Variants in RRP1B observed in about 807,000 individuals in gnomAD.
RRP1B encodes ribosomal RNA processing protein 1 homolog B.
RRP1B carries 56 observed loss-of-function variants against 80.2 expected under a neutral mutation model. The ratio of observed to expected loss-of-function variants is 0.70; its 90% CI spans 0.56 to 0.87. The LOEUF (loss-of-function observed/expected upper bound fraction) is 0.87, where lower values mean the gene tolerates loss of function less well. Ranked by LOEUF, RRP1B falls within the 40% of genes least tolerant of loss-of-function variation. The probability of loss-of-function intolerance (pLI) is 0.00; values close to 1 mark genes in which losing one functional copy is unlikely to be tolerated. For missense variants in RRP1B, 807 were observed against 939.8 expected, an observed-to-expected ratio of 0.86 and a Z score of 1.85; for synonymous variants, 351 against 357.6, an observed-to-expected ratio of 0.98 and a Z score of 0.21.
intron 1 of RRP1B, among the ~76,000 whole-genome samples, chr21:43,665,596 G>T (rs919038746): frequency 1.3e-5 from 2 of 152,054 alleles, no homozygotes; most frequent in Admixed American, 1.3e-4. Context: ...GCTCAGGCTG[G>T]AGTGCAGTGG....
At chr21:43,664,236 T>A (rs939878375) in intron 1 of RRP1B, among the ~76,000 whole-genome samples, 2 of 148,508 alleles carry the variant, frequency 1.3e-5, no homozygotes, top group Admixed American at 6.9e-5. Context: ...GTTGGGAGGC[T>A]GAGGGAGGAA....
Position 43,691,217 on chromosome 21 carries a change from G to T in RRP1B, c.2020-222G>T, listed in dbSNP as rs1253079377. Among the ~76,000 whole-genome samples the T allele has an allele frequency of 1.3e-5, 2 of 152,336 alleles. No individual in the cohort carries two copies. Among genetic ancestry groups the T allele is most frequent in the Admixed American group, 1.3e-4 (2 of 15,306 alleles). On this transcript the variant is annotated intron_variant, in intron 14 of 15. Transcript: ENST00000340648. The surrounding 1 kb of genome is among the most constrained non-coding windows in gnomAD (Gnocchi z 4.2). ...GACCCTGGGCTGGGGGGTTGCGTGT[G>T]TGGGACGCTGGGAAGGACAAAGGGC...
At chr21:43,666,716 CAAA>C (rs34846277) in intron 1 of RRP1B, among the ~76,000 whole-genome samples, 55 of 126,952 alleles carry the variant, frequency 4.3e-4, no homozygotes, top group African/African-American at 8.7e-4. Context: ...AAACTGTCTC[CAAA>C]AAAAAAAAAA....
chr21:43,673,371 C>G (rs553409767), intron 3 of RRP1B, among the ~76,000 whole-genome samples: 2 of 152,244 alleles, frequency 1.3e-5, no homozygotes, highest in South Asian at 4.2e-4. Context: ...CGGTGGCTCA[C>G]GCCTGTAATC....
In RRP1B at chr21:43,688,180, G is replaced by T; in HGVS notation, c.1806G>T (p.Met602Ile). ...AAAAGAGGAAGAAAATGAGAGTGAT[G>T]TCAAACTTGGTGGAGCACAACGGGG... ...SLKKRKKMRV[M>I]SNLVEHNGVL... The change falls in exon 13 of 16, where the codon ATG becomes ATT. Residue 602 changes from methionine (M) to isoleucine (I), a missense_variant. Transcript: ENST00000340648. The T allele has an allele frequency of 6.3e-7, 1 of 1,575,460 alleles. No individual in the cohort carries two copies. Among genetic ancestry groups the T allele is most frequent in the South Asian group, 1.2e-5 (1 of 86,632 alleles).
At position 43,694,901 on chromosome 21, in the gene RRP1B, T is replaced by C. The variant is rs2083101558; in HGVS notation, c.*1518T>C. 6.6e-6 allele frequency: 1 copy of C among 152,212 alleles called. No individual in the cohort carries two copies. Among genetic ancestry groups the C allele is most frequent in the South Asian group, 2.1e-4 (1 of 4,828 alleles). The allele number at this position is 152,212 out of a possible 1,614,324, so 9.4% of individuals were successfully genotyped here. On this transcript the variant is annotated 3_prime_UTR_variant, in exon 16 of 16. Transcript: ENST00000340648. ...GGGGTTTCACCTGCGAACATCAGACTGACTTGCTGGCGTCAAGAGCAGTTG... is the reference window on the plus strand; with the variant it reads ...GGGGTTTCACCTGCGAACATCAGACCGACTTGCTGGCGTCAAGAGCAGTTG...
At chr21:43,692,492 G>A (rs138071993) in intron 15 of RRP1B, among the ~76,000 whole-genome samples, 177 of 151,970 alleles carry the variant, frequency 1.2e-3, no homozygotes, top group African/African-American at 4.2e-3. Context: ...TCAGCTGCTC[G>A]AGAGGCTGAG....
At chr21:43,684,467 G>T in intron 9 of RRP1B, 86 bp from the exon 10 acceptor site, 1 of 1,138,110 alleles carries the variant, frequency 8.8e-7, no homozygotes, top group Non-Finnish European at 1.3e-6. Context: ...CTTCAGTAAG[G>T]GTTTCTCTTA....
intron 2 of RRP1B, among the ~76,000 whole-genome samples, chr21:43,670,225 T>C (rs1258333909): frequency 6.6e-6 from 1 of 152,234 alleles, no homozygotes; most frequent in African/African-American, 2.4e-5. Flanking sequence ...ATAGGTTCCA[T>C]GCTAGGTTTT....
At chr21:43,688,353 TC>T in intron 13 of RRP1B, 113 bp downstream of exon 13, 8 of 1,279,980 alleles carry the variant, frequency 6.3e-6, no homozygotes, top group Non-Finnish European at 8.5e-6. Flanking sequence ...GCCTCTGGAC[TC>T]AGCAGCAGTT....
In RRP1B at chr21:43,691,567, C is replaced by T; in HGVS notation, c.2083+65C>T. Reference sequence around the variant, plus strand: ...CAGCTGCAGCTCCTGGCGCGGCTCGCAGCCTGGTTCCACAAGGCGGTCGGG... The same window carrying T: ...CAGCTGCAGCTCCTGGCGCGGCTCGTAGCCTGGTTCCACAAGGCGGTCGGG... On this transcript the variant is annotated intron_variant, in intron 15 of 15. Coordinates refer to ENST00000340648, the MANE Select transcript of RRP1B (RefSeq NM_015056.3). The surrounding 1 kb of genome is among the most constrained non-coding windows in gnomAD (Gnocchi z 4.2). 1 of 1,448,144 alleles carries T rather than the reference C, an allele frequency of 6.9e-7. No homozygotes were observed. The highest frequency in any genetic ancestry group is 1.1e-5 in the South Asian group (1 of 87,226). The allele number at this position is 1,448,144 out of a possible 1,614,324, so 89.7% of individuals were successfully genotyped here.
At chr21:43,692,211 C>T (rs2083089860) in intron 15 of RRP1B, among the ~76,000 whole-genome samples, 1 of 152,240 alleles carries the variant, frequency 6.6e-6, no homozygotes, top group East Asian at 1.9e-4. Context: ...GAACCACTTG[C>T]TTCTTGGGCG....
intron 8 of RRP1B, 80 bp from the exon 9 acceptor site, chr21:43,683,199 T>G (rs1443630444): frequency 1.0e-5 from 12 of 1,157,794 alleles, no homozygotes; most frequent in Non-Finnish European, 1.5e-5. Flanking sequence ...GACACCTAAT[T>G]AGACAGTGGC....
At chr21:43,661,592 G>A (rs193291474) in intron 1 of RRP1B, among the ~76,000 whole-genome samples, 2 of 152,054 alleles carry the variant, frequency 1.3e-5, no homozygotes, top group Non-Finnish European at 2.9e-5. Flanking sequence ...AAACTTCTGC[G>A]CCCGCATATT....
intron 1 of RRP1B, among the ~76,000 whole-genome samples, chr21:43,665,088 G>A (rs1006489928): frequency 5.3e-5 from 8 of 152,174 alleles, no homozygotes; most frequent in African/African-American, 1.9e-4. Context: ...CATTATGAAC[G>A]CCTCTGTAGC....
intron 1 of RRP1B, among the ~76,000 whole-genome samples, chr21:43,668,542 T>C (rs1234761758): frequency 6.6e-6 from 1 of 151,940 alleles, no homozygotes; most frequent in African/African-American, 2.4e-5. Context: ...TAATTTTTTT[T>C]GTATTTTTAG....
At chr21:43,680,213 C>T (rs1481586248) in intron 8 of RRP1B, among the ~76,000 whole-genome samples, 2 of 152,014 alleles carry the variant, frequency 1.3e-5, no homozygotes, top group Admixed American at 6.6e-5. Flanking sequence ...TAGGATTGTT[C>T]GTGCTTTTAA....
chr21:43,660,073 G>C (rs557663341), intron 1 of RRP1B, among the ~76,000 whole-genome samples: 2 of 152,328 alleles, frequency 1.3e-5, no homozygotes, highest in East Asian at 3.9e-4. Flanking sequence ...CCGGCATCTC[G>C]AATCACTGGG....
intron 2 of RRP1B, 97 bp downstream of exon 2, chr21:43,670,063 G>A (rs1372269998): frequency 2.0e-5 from 15 of 753,382 alleles, no homozygotes; most frequent in African/African-American, 3.5e-5. Flanking sequence ...ATACACTGAC[G>A]CACACTGACA....
Sources: allele counts gnomAD v4.1 joint callset (sites outside exome capture counted in the v4.1 genomes callset), GRCh38; gene constraint gnomAD v4.1.1; non-coding constraint Gnocchi (gnomAD v3.1); transcripts MANE v1.5; gene names NCBI Gene and HGNC (gene_info 2026-07-23, HGNC 2026-07-21).